Variants in LARS1 observed in about 807,000 individuals in gnomAD.
LARS1 encodes leucyl-tRNA synthetase 1, also known as leucine--tRNA ligase, cytoplasmic.
A neutral mutation model predicts 162.8 loss-of-function variants in LARS1; 100 were observed. The observed-to-expected ratio is 0.61, with a 90% CI of 0.52 to 0.73. The LOEUF (loss-of-function observed/expected upper bound fraction) is 0.73. Among genes scored for constraint, LARS1 ranks in the 30% least tolerant of loss-of-function variants. The pLI, the probability that LARS1 is intolerant of heterozygous loss-of-function variation, is 0.00. For synonymous variants in LARS1, 457 were observed against 462.8 expected, an observed-to-expected ratio of 0.99 and a Z score of 0.16; for missense variants, 1,258 against 1,408.9, an observed-to-expected ratio of 0.89 and a Z score of 1.71.
At chr5:146,159,580 T>C in intron 7 of LARS1, 110 bp from the exon 8 acceptor site, 1 of 739,948 alleles carries the variant, frequency 1.4e-6, no homozygotes, top group Non-Finnish European at 2.3e-6. Flanking sequence ...CTAGAATTTC[T>C]GAGTAGATAT....
chr5:146,160,552 C>A, intron 6 of LARS1, 66 bp from the exon 7 acceptor site: 1 of 744,046 alleles, frequency 1.3e-6, no homozygotes, highest in South Asian at 2.0e-5. Flanking sequence ...AATAAGAATT[C>A]CTATGAATCA....
At chr5:146,162,697 C>T (rs1581069743) in intron 6 of LARS1, among the ~76,000 whole-genome samples, 1 of 152,232 alleles carries the variant, frequency 6.6e-6, no homozygotes, top group Non-Finnish European at 1.5e-5. Context: ...CTTACAGCAT[C>T]TTAATCACTA....
At chr5:146,161,983 C>T (rs1035366030) in intron 6 of LARS1, among the ~76,000 whole-genome samples, 16 of 152,170 alleles carry the variant, frequency 1.1e-4, no homozygotes, top group African/African-American at 3.9e-4. Flanking sequence ...TATCTTCAAG[C>T]TCCACTTGTA....
In LARS1 at chr5:146,156,186, T is replaced by C. The variant is rs569942158; in HGVS notation, c.1065+1217A>G. Among the ~76,000 whole-genome samples the C allele has an allele frequency of 3.3e-5, 5 of 152,346 alleles. No homozygotes were observed. The South Asian group carries it at 6.2e-4, about 19-fold the overall frequency. On this transcript the variant is annotated intron_variant, in intron 10 of 31. Transcript: ENST00000394434. Reference sequence around the variant, plus strand: ...CAAGACACAGATATTACTAACTACCTCTAGAATGGGGAACTTTTGTATCTT... The same window carrying C: ...CAAGACACAGATATTACTAACTACCCCTAGAATGGGGAACTTTTGTATCTT...
Position 146,120,337 on chromosome 5 carries a change from T to C in LARS1, c.3325+34A>G, listed in dbSNP as rs192929094. 81 of 1,610,306 alleles carry C rather than the reference T, an allele frequency of 5.0e-5. No individual in the cohort carries two copies. In the Admixed American group the frequency reaches 1.1e-3, roughly 22 times the overall value. ...CTTAGAACTCACCAAATCTACAAGC[T>C]ACTGACAAATGGGAGTTTTGGGGAA... On this transcript the variant is annotated intron_variant, in intron 31 of 31. Transcript: ENST00000394434.
At position 146,129,012 on chromosome 5, in the gene LARS1, C is replaced by A; in HGVS notation, c.2735G>T (p.Arg912Leu). ...LMEVTHDLRL[R>L]LKNYMMPAKG... is the part of the protein sequence containing the mutation. ...AGCTGGCATCATATAGTTCTTGAGT[C>A]GTAGTCTAAGGTCATGTGTTACTTC... The change falls in exon 26 of 32, where the codon CGA (arginine) becomes CTA (leucine). Residue 912 changes from arginine (R) to leucine (L), a missense_variant. Transcript: ENST00000394434. The A allele has an allele frequency of 6.2e-7, 1 of 1,604,710 alleles. No homozygotes were observed. Among genetic ancestry groups the A allele is most frequent in the Non-Finnish European group, 8.5e-7 (1 of 1,177,222 alleles).
At chr5:146,139,194 T>G (rs1249769618) in intron 21 of LARS1, among the ~76,000 whole-genome samples, 1 of 151,298 alleles carries the variant, frequency 6.6e-6, no homozygotes, top group East Asian at 2.0e-4. Context: ...AAAACAAAAA[T>G]TAGCCGGGCA....
chr5:146,143,136 T>C (rs1484387935), intron 19 of LARS1, 52 bp from the exon 20 acceptor site: 1 of 988,660 alleles, frequency 1.0e-6, no homozygotes, highest in East Asian at 3.0e-5. Flanking sequence ...TGTAATTTCT[T>C]TGGAAGAATC....
At chr5:146,131,611 C>G (rs960846745) in intron 23 of LARS1, 1 of 151,642 alleles carries the variant, frequency 6.6e-6, no homozygotes, top group African/African-American at 2.4e-5. Flanking sequence ...CTCACCTCAG[C>G]CTCCCAAGTA....
At chr5:146,132,744 T>C in intron 23 of LARS1, 154 bp downstream of exon 23, 2 of 574,944 alleles carry the variant, frequency 3.5e-6, no homozygotes, top group Non-Finnish European at 5.9e-6. Flanking sequence ...CTTAGCATAG[T>C]ACCCGGCACA....
chr5:146,115,105 A>G (rs1330736673), intron 31 of LARS1, among the ~76,000 whole-genome samples: 1 of 151,094 alleles, frequency 6.6e-6, no homozygotes, highest in Non-Finnish European at 1.5e-5. Context: ...GCAAATCTTC[A>G]TCCCCTTTCA....
intron 7 of LARS1, 56 bp from the exon 8 acceptor site, chr5:146,159,526 C>G: frequency 1.5e-6 from 2 of 1,333,188 alleles, no homozygotes; most frequent in Non-Finnish European, 2.1e-6. Context: ...TTTTATCCTA[C>G]CATATTTGCC....
In LARS1 at chr5:146,122,605, A is replaced by C; in HGVS notation, c.3097-18T>G. The C allele has an allele frequency of 6.8e-7, 1 of 1,461,198 alleles. No individual in the cohort carries two copies. The highest frequency in any genetic ancestry group is 9.5e-7 in the Non-Finnish European group (1 of 1,047,464). 90.5% of individuals were successfully genotyped at this position (1,461,198 alleles called of 1,614,324 possible). On this transcript the variant is annotated intron_variant, in intron 29 of 31. Transcript: ENST00000394434. The stretch of plus-strand genomic sequence containing the variant: ...TGTTCTAGCTAAACAGACGGGAAAA[A>C]ATGGAAGTTATTAGTATCACTTAAT...
In LARS1 at chr5:146,129,055, A is replaced by AGT; in HGVS notation, c.2690_2691dup (p.Ser898ThrfsTer9). 2 of 1,610,756 alleles carry AGT rather than the reference A, an allele frequency of 1.2e-6. No homozygotes were observed. Among genetic ancestry groups the AGT allele is most frequent in the South Asian group, 2.2e-5 (2 of 90,816 alleles). ...GTTACTTCCATAAGATACTGTGAGG[A>AGT]GTGTATTAAAACTTCATTAACAGGA... On this transcript the variant is annotated frameshift_variant, in exon 26 of 32. Transcript: ENST00000394434. LOFTEE classifies it high-confidence loss of function.
intron 30 of LARS1, 22 bp downstream of exon 30, chr5:146,122,470 C>G (rs774030322): frequency 7.7e-7 from 1 of 1,292,222 alleles, no homozygotes; most frequent in South Asian, 1.2e-5. Context: ...TGCAATGATT[C>G]AGTGAGATTC....
chr5:146,147,515 T>C (rs577735810), intron 15 of LARS1, among the ~76,000 whole-genome samples: 15 of 152,292 alleles, frequency 9.8e-5, no homozygotes, highest in African/African-American at 3.6e-4. Context: ...TTCTACTCTC[T>C]ACTTTTTTAT....
intron 18 of LARS1, 124 bp from the exon 19 acceptor site, chr5:146,143,674 T>A: frequency 7.1e-6 from 6 of 844,190 alleles, no homozygotes; most frequent in Middle Eastern, 3.5e-4. Flanking sequence ...AAATTATTCT[T>A]GAATAATTAA....
chr5:146,114,871 C>A (rs970398605), intron 31 of LARS1, among the ~76,000 whole-genome samples: 3 of 150,848 alleles, frequency 2.0e-5, no homozygotes, highest in African/African-American at 7.3e-5. Context: ...TGGTGAAACC[C>A]CATCTCTACT....
rs572447973 is a variant in LARS1 at position 146,151,543 on chromosome 5, G to A, written c.1425+319C>T. ...CTCCTTAACTAAAAGAGCAAAAGAA[G>A]GGACCAGGTATTCTCCATTCAATAA... On this transcript the variant is annotated intron_variant, in intron 14 of 31. Transcript: ENST00000394434. Among the ~76,000 whole-genome samples, 4 of 152,274 alleles carry A rather than the reference G, an allele frequency of 2.6e-5. No homozygotes were observed. The East Asian group carries it at 7.7e-4, about 29-fold the overall frequency.
Sources: gnomAD v4.1 joint callset for allele counts (sites outside exome capture counted in the v4.1 genomes callset) on GRCh38, gnomAD v4.1.1 for gene constraint, MANE v1.5 for transcripts, NCBI Gene and HGNC (gene_info 2026-07-23, HGNC 2026-07-21) for gene names.